The following TAFA1 variants were observed in gnomAD, a reference collection of about 807,000 sequenced individuals.
The protein encoded by TAFA1 is chemokine-like protein TAFA-1.
A neutral mutation model predicts 18.5 loss-of-function variants in TAFA1; 4 were observed. The observed-to-expected ratio is 0.22, with a 90% CI of 0.11 to 0.49. The LOEUF (loss-of-function observed/expected upper bound fraction) is 0.49, where lower values mean the gene tolerates loss of function less well. Among genes scored for constraint, TAFA1 ranks in the 20% least tolerant of loss-of-function variants. The probability of loss-of-function intolerance (pLI) is 0.98; values close to 1 mark genes in which losing one functional copy is unlikely to be tolerated. For missense variants in TAFA1, 147 were observed against 169.0 expected, an observed-to-expected ratio of 0.87 and a Z score of 0.72; for synonymous variants, 56 against 55.2, an observed-to-expected ratio of 1.01 and a Z score of -0.06.
At chr3:68,274,736 G>A (rs1163544907) in intron 2 of TAFA1, among the ~76,000 whole-genome samples, 1 of 152,154 alleles carries the variant, frequency 6.6e-6, no homozygotes, top group Non-Finnish European at 1.5e-5. Flanking sequence ...ACTGTGTGGT[G>A]GGGGCTGCCT....
intron 2 of TAFA1, among the ~76,000 whole-genome samples, chr3:68,352,118 GAA>G (rs2069281643): frequency 6.6e-6 from 1 of 151,982 alleles, no homozygotes; most frequent in African/African-American, 2.4e-5. Flanking sequence ...GGAGATCTGA[GAA>G]AAGTCACTAA....
chr3:68,167,733 G>A (rs1168804107), intron 2 of TAFA1, among the ~76,000 whole-genome samples: 1 of 152,068 alleles, frequency 6.6e-6, no homozygotes, highest in Non-Finnish European at 1.5e-5. Flanking sequence ...GAGAACCACT[G>A]TACCAAAGAA....
At chr3:68,312,093 C>A (rs1046409441) in intron 2 of TAFA1, among the ~76,000 whole-genome samples, 5 of 152,214 alleles carry the variant, frequency 3.3e-5, no homozygotes, top group Admixed American at 6.5e-5. Context: ...TCTACGTTGA[C>A]CCCTTTCAGC....
chr3:68,274,348 T>A (rs2067746821), intron 2 of TAFA1, among the ~76,000 whole-genome samples: 1 of 152,164 alleles, frequency 6.6e-6, no homozygotes, highest in Non-Finnish European at 1.5e-5. Context: ...CCAAACCCCA[T>A]CCAACATTTT....
Position 68,439,313 on chromosome 3 carries a change from C to T in TAFA1, c.259+21893C>T, listed in dbSNP as rs184124254. ...ATATTTTGCATAGAAATTTCTTCTG[C>T]CACATACCCTAGTATATCACTCTTG... On this transcript the variant is annotated intron_variant, in intron 3 of 4. Coordinates refer to ENST00000478136, the MANE Select transcript of TAFA1 (RefSeq NM_213609.4). Among the ~76,000 whole-genome samples, 195 of 150,312 alleles carry T rather than the reference C, an allele frequency of 1.3e-3. 1 individual carries two copies. The Middle Eastern group carries it at 0.017, about 13-fold the overall frequency.
intron 2 of TAFA1, among the ~76,000 whole-genome samples, chr3:68,024,738 G>C (rs936265866): frequency 4.0e-5 from 6 of 151,400 alleles, no homozygotes; most frequent in Non-Finnish European, 4.4e-5. Context: ...ATCCCTTAGG[G>C]GCAGAATAAG....
intron 2 of TAFA1, among the ~76,000 whole-genome samples, chr3:68,336,125 T>G (rs2068966057): frequency 6.6e-6 from 1 of 152,242 alleles, no homozygotes; most frequent in Admixed American, 6.5e-5. Flanking sequence ...GCTTTCTAAT[T>G]TGACAATAAA....
chr3:68,051,809 A>G (rs2064474332), intron 2 of TAFA1, among the ~76,000 whole-genome samples: 1 of 152,098 alleles, frequency 6.6e-6, no homozygotes, highest in African/African-American at 2.4e-5. Flanking sequence ...TTTTAACAAC[A>G]CTATCGTTTA....
intron 3 of TAFA1, among the ~76,000 whole-genome samples, chr3:68,459,258 C>A (rs75006805): frequency 0.031 from 4,762 of 152,192 alleles, 99 homozygotes; most frequent in Middle Eastern, 0.071. Flanking sequence ...TGGCACCCCA[C>A]AACATCCATT....
At chr3:68,283,719 T>C (rs1225364410) in intron 2 of TAFA1, among the ~76,000 whole-genome samples, 2 of 152,216 alleles carry the variant, frequency 1.3e-5, no homozygotes, top group Admixed American at 1.3e-4. Flanking sequence ...TTACTTCCCT[T>C]CCTAGCTATC....
intron 3 of TAFA1, among the ~76,000 whole-genome samples, chr3:68,427,575 G>A (rs1481350808): frequency 6.6e-6 from 1 of 151,852 alleles, no homozygotes; most frequent in Non-Finnish European, 1.5e-5. Context: ...AACTTATACA[G>A]ATGAGTAATA....
chr3:68,001,529 G>T (rs1176630350), upstream of TAFA1, among the ~76,000 whole-genome samples: 1 of 151,374 alleles, frequency 6.6e-6, no homozygotes, highest in Non-Finnish European at 1.5e-5. Flanking sequence ...TTGCTACTAA[G>T]GATTTTTATT....
intron 2 of TAFA1, among the ~76,000 whole-genome samples, chr3:68,122,644 C>T: frequency 6.6e-6 from 1 of 152,042 alleles, no homozygotes; most frequent in East Asian, 1.9e-4. Context: ...CATTGGCATA[C>T]TTTACATTTG....
intron 2 of TAFA1, among the ~76,000 whole-genome samples, chr3:68,201,431 T>C (rs556393301): frequency 6.6e-6 from 1 of 151,804 alleles, no homozygotes; most frequent in African/African-American, 2.4e-5. Flanking sequence ...ACTATGTCCT[T>C]TCTGATTTTC....
chr3:68,194,202 G>A (rs769793614), intron 2 of TAFA1, among the ~76,000 whole-genome samples: 2 of 151,702 alleles, frequency 1.3e-5, no homozygotes, highest in African/African-American at 4.8e-5. Context: ...AATGGGGTAG[G>A]AATGCATACT....
At chr3:68,363,606 C>G (rs1395247404) in intron 2 of TAFA1, among the ~76,000 whole-genome samples, 2 of 152,066 alleles carry the variant, frequency 1.3e-5, no homozygotes, top group Non-Finnish European at 2.9e-5. Flanking sequence ...TTCTTCTAAC[C>G]CTTTTCTGAG....
At chr3:68,434,507 G>T (rs1002928029) in intron 3 of TAFA1, among the ~76,000 whole-genome samples, 1 of 151,974 alleles carries the variant, frequency 6.6e-6, no homozygotes, top group Non-Finnish European at 1.5e-5. Context: ...CCCCTTCTTT[G>T]TGTTCATGTG....
At chr3:68,502,197 G>C (rs2072669503) in intron 3 of TAFA1, among the ~76,000 whole-genome samples, 1 of 151,890 alleles carries the variant, frequency 6.6e-6, no homozygotes, top group African/African-American at 2.4e-5. Context: ...TCATAGCAAG[G>C]GCATCATTCT....
At chr3:68,067,023 A>G (rs1187903032) in intron 2 of TAFA1, among the ~76,000 whole-genome samples, 2 of 152,152 alleles carry the variant, frequency 1.3e-5, no homozygotes, top group Admixed American at 6.5e-5. Flanking sequence ...CTCCATGTAG[A>G]ATAACTCATA....
Sources: gnomAD v4.1 joint callset for allele counts (sites outside exome capture counted in the v4.1 genomes callset) on GRCh38, gnomAD v4.1.1 for gene constraint, MANE v1.5 for transcripts, NCBI Gene and HGNC (gene_info 2026-07-23, HGNC 2026-07-21) for gene names.